Variants in MMAA observed in about 807,000 individuals in gnomAD.
MMAA encodes methylmalonic aciduria type A protein, mitochondrial.
MMAA carries 41 observed loss-of-function variants against 45.0 expected under a neutral mutation model. The observed-to-expected ratio is 0.91, with a 90% CI of 0.71 to 1.18. MMAA has a LOEUF of 1.18. MMAA is among the 50% of genes most tolerant of loss of function. MMAA has a pLI of 0.00. For missense variants in MMAA, 460 were observed against 495.7 expected (o/e 0.93, Z 0.68); for synonymous variants, 154 against 178.2 (o/e 0.86, Z 1.08).
At chr4:145,634,621 C>G (rs1333180515) in intron 1 of MMAA, among the ~76,000 whole-genome samples, 1 of 151,876 alleles carries the variant, frequency 6.6e-6, no homozygotes, top group Non-Finnish European at 1.5e-5. Context: ...TTGCTTTTCT[C>G]AAGCAGAAGG....
At chr4:145,650,996 C>A in intron 4 of MMAA, 66 bp from the exon 5 acceptor site, 1 of 1,383,906 alleles carries the variant, frequency 7.2e-7, no homozygotes, top group South Asian at 1.2e-5. Context: ...TGGAAATGGT[C>A]AATGTAGTTG....
At chr4:145,630,723 C>T (rs1160458603) in intron 1 of MMAA, among the ~76,000 whole-genome samples, 1 of 151,696 alleles carries the variant, frequency 6.6e-6, no homozygotes, top group Admixed American at 6.5e-5. Flanking sequence ...AGCAAAACTC[C>T]ATCTCAAAAA....
In MMAA at chr4:145,619,402, G is replaced by C. The variant is rs992491091; in HGVS notation, c.-71G>C. The C allele has an allele frequency of 9.2e-5, 14 of 152,294 alleles. No individual in the cohort carries two copies. Among genetic ancestry groups the C allele is most frequent in the Admixed American group, 3.3e-4 (5 of 15,284 alleles). The allele number at this position is 152,294 out of a possible 1,614,324, so 9.4% of individuals were successfully genotyped here. On this transcript the variant is annotated 5_prime_UTR_variant, in exon 1 of 7. Coordinates refer to ENST00000649156, the MANE Select transcript of MMAA (RefSeq NM_172250.3). ...GGTCAGGTGGCACTTCCGTGGCTTC[G>C]GGCGGGTGAGTATGGGGAGTGCGCG...
In MMAA at chr4:145,633,193, T is replaced by TATC. The variant is rs1434270399; in HGVS notation, c.-65-5882_-65-5881insATC. 1.4e-3 allele frequency among the ~76,000 whole-genome samples: 198 copies of TATC among 142,786 alleles called. 1 individual carries two copies. The highest frequency in any genetic ancestry group is 4.7e-3 in the African/African-American group (167 of 35,652). 93.7% of individuals were successfully genotyped at this position (142,786 alleles called of 152,430 possible). A position where few individuals can be genotyped will look rare whatever the true frequency, so the allele number is the denominator to read the frequency against. On this transcript the variant is annotated intron_variant, in intron 1 of 6. Coordinates refer to ENST00000649156, the MANE Select transcript of MMAA (RefSeq NM_172250.3). ...TTTCTTGTGGTATCTTGAATTTCTT[T>TATC]TTCTTTTTTTTTTTTTTTTTTTTTG...
At position 145,642,442 on chromosome 4, in the gene MMAA, A is replaced by G. The variant is rs1560797466; in HGVS notation, c.519A>G (p.Lys173=). 6.2e-7 allele frequency: 1 copy of G among 1,614,178 alleles called. No individual in the cohort carries two copies. The highest frequency in any genetic ancestry group is 8.5e-7 in the Non-Finnish European group (1 of 1,180,016). ...AAATGCTTACTGAGAGAGGGCACAA[A>G]TTATCTGTGCTAGCTGTGGACCCTT... ...FGKMLTERGH[K]LSVLAVDPSS... is the part of the protein sequence containing the mutation. The change falls in exon 3 of 7, where the codon AAA becomes AAG. Residue 173 remains lysine, a synonymous_variant. Transcript: ENST00000649156.
chr4:145,649,125 C>CAAAA (rs201679920), intron 4 of MMAA, among the ~76,000 whole-genome samples: 2 of 89,880 alleles, frequency 2.2e-5, no homozygotes. Context: ...TTGGTTCTAT[C>CAAAA]AAAAAAAAAA....
chr4:145,637,850 A>G (rs1010793157), intron 1 of MMAA, among the ~76,000 whole-genome samples: 1 of 152,182 alleles, frequency 6.6e-6, no homozygotes, highest in African/African-American at 2.4e-5. Flanking sequence ...AAGAATTGTC[A>G]TTTTGCTCTC....
rs1032537667 is a variant in MMAA, at chr4:145,642,441, A to G, written c.518A>G (p.Lys173Arg). ...AAAATGCTTACTGAGAGAGGGCACAAATTATCTGTGCTAGCTGTGGACCCT... is the reference window on the plus strand; with the variant it reads ...AAAATGCTTACTGAGAGAGGGCACAGATTATCTGTGCTAGCTGTGGACCCT... ...FGKMLTERGH[K>R]LSVLAVDPSS... is the part of the protein sequence containing the mutation. Residue 173 changes from lysine to arginine, a missense_variant, in exon 3 of 7, where the codon AAA becomes AGA. Transcript: ENST00000649156. 3 of 1,614,024 alleles carry G rather than the reference A, an allele frequency of 1.9e-6. No homozygotes were observed. Among genetic ancestry groups the G allele is most frequent in the African/African-American group, 1.3e-5 (1 of 74,926 alleles).
intron 1 of MMAA, chr4:145,624,714 C>A: frequency 6.4e-7 from 1 of 1,560,480 alleles, no homozygotes; most frequent in Non-Finnish European, 8.8e-7. Context: ...TTTATCCTTT[C>A]CTTCTTTGTT....
intron 1 of MMAA, among the ~76,000 whole-genome samples, chr4:145,621,813 A>G (rs991391603): frequency 2.6e-5 from 4 of 152,206 alleles, no homozygotes; most frequent in Non-Finnish European, 4.4e-5. Context: ...CATTGGATCA[A>G]TTTCAAGATA....
chr4:145,644,103 GT>G (rs1399733051), intron 3 of MMAA, among the ~76,000 whole-genome samples: 1 of 152,096 alleles, frequency 6.6e-6, no homozygotes, highest in Non-Finnish European at 1.5e-5. Flanking sequence ...AATCTTTTTT[GT>G]GCTTTAAATT....
chr4:145,641,199 G>T (rs188193212), intron 2 of MMAA, among the ~76,000 whole-genome samples: 1 of 152,114 alleles, frequency 6.6e-6, no homozygotes, highest in Non-Finnish European at 1.5e-5. Context: ...GCAAACTCCC[G>T]CAGAGAAATT....
intron 6 of MMAA, 89 bp downstream of exon 6, chr4:145,654,232 C>T: frequency 6.9e-7 from 1 of 1,459,688 alleles, no homozygotes; most frequent in Non-Finnish European, 9.6e-7. Context: ...GACATATAAT[C>T]AATCTTGCTT....
chr4:145,623,968 C>G (rs1734143336), intron 1 of MMAA, among the ~76,000 whole-genome samples: 1 of 152,158 alleles, frequency 6.6e-6, no homozygotes, highest in South Asian at 2.1e-4. Flanking sequence ...AGCATCAATA[C>G]ACAACATTTT....
rs796051993 is a variant in MMAA, at chr4:145,646,012, ATGAC to A, written c.593_596del (p.Thr198SerfsTer6). 53 of 1,613,958 alleles carry A rather than the reference ATGAC, an allele frequency of 3.3e-5. No homozygotes were observed. Among genetic ancestry groups the A allele is most frequent in the Non-Finnish European group, 4.3e-5 (51 of 1,179,964 alleles). ...ATCACTCTTAGGTGATAAAACCCGA[ATGAC>A]TGAGTTATCAAGAGATATGAATGCA... On this transcript the variant is annotated frameshift_variant, in exon 4 of 7. Coordinates refer to ENST00000649156, the MANE Select transcript of MMAA (RefSeq NM_172250.3). LOFTEE classifies it high-confidence loss of function.
chr4:145,642,286 A>G, intron 2 of MMAA, 77 bp from the exon 3 acceptor site: 4 of 1,493,138 alleles, frequency 2.7e-6, no homozygotes, highest in Non-Finnish European at 3.7e-6. Context: ...AGGTAGTCTA[A>G]TATTTTACTC....
intron 2 of MMAA, chr4:145,639,951 A>G (rs1310260096): frequency 1.7e-6 from 1 of 577,136 alleles, no homozygotes; most frequent in Non-Finnish European, 2.2e-6. Flanking sequence ...TATCAACTAT[A>G]ATTATCACGT....
At chr4:145,635,078 G>A (rs755422109) in intron 1 of MMAA, among the ~76,000 whole-genome samples, 1 of 152,070 alleles carries the variant, frequency 6.6e-6, no homozygotes, top group Non-Finnish European at 1.5e-5. Flanking sequence ...ACTGGGTTGT[G>A]TTCCCCCTCC....
chr4:145,649,821 G>C (rs899889512), intron 4 of MMAA, among the ~76,000 whole-genome samples: 4 of 151,898 alleles, frequency 2.6e-5, no homozygotes, highest in South Asian at 4.2e-4. Context: ...GCCCAGGTGG[G>C]AGCACAGCAG....
Sources: gnomAD v4.1 joint callset for allele counts (sites outside exome capture counted in the v4.1 genomes callset) on GRCh38, gnomAD v4.1.1 for gene constraint, MANE v1.5 for transcripts, NCBI Gene and HGNC (gene_info 2026-07-23, HGNC 2026-07-21) for gene names.